PLAUR: variants seen among roughly 807,000 people sequenced by gnomAD.
PLAUR encodes the protein urokinase plasminogen activator surface receptor.
In PLAUR, 22 loss-of-function variants were observed where a neutral mutation model predicts 33.4. The observed-to-expected ratio is 0.66, with a 90% CI of 0.47 to 0.94. The LOEUF (loss-of-function observed/expected upper bound fraction) is 0.94. Ranked by LOEUF, PLAUR falls within the 40% of genes least tolerant of loss-of-function variation. PLAUR has a pLI of 0.00. For synonymous variants in PLAUR, 148 were observed against 167.3 expected (o/e 0.88, Z 0.89); for missense variants, 408 against 434.7 (o/e 0.94, Z 0.55).
At chr19:43,652,466 G>T in intron 5 of PLAUR, 95 bp from the exon 6 acceptor site, 2 of 1,225,010 alleles carry the variant, frequency 1.6e-6, no homozygotes, top group South Asian at 1.3e-5. Flanking sequence ...CTCCGAGCCA[G>T]AGATGTCATG....
At position 43,655,530 on chromosome 19, in the gene PLAUR, AAGGTAGCCACAGCCACGG is replaced by A. The variant is rs1242290159; in HGVS notation, c.498_515del (p.Arg167_Leu172del). On this transcript the variant is annotated inframe_deletion, in exon 5 of 7. Coordinates refer to ENST00000340093, the MANE Select transcript of PLAUR (RefSeq NM_002659.4). ...AACCATTGGAGCCCGGGCAGCCGGG[AAGGTAGCCACAGCCACGG>A]AGGTGGCGGTCATCCTTTGGACGCC... 1.2e-6 allele frequency: 2 copies of A among 1,613,960 alleles called. No individual in the cohort carries two copies. Among genetic ancestry groups the A allele is most frequent in the Non-Finnish European group, 1.7e-6 (2 of 1,179,984 alleles).
rs759697690 is a variant in PLAUR at position 43,652,258 on chromosome 19, T to C, written c.721A>G (p.Met241Val). The change falls in exon 6 of 7, where the codon ATG becomes GTG. Residue 241 changes from methionine (M) to valine (V), a missense_variant. Coordinates refer to ENST00000340093, the MANE Select transcript of PLAUR (RefSeq NM_002659.4). ...CCGGTGGCTACCAGACATTGATTCA[T>C]GGGGCCTCGGCAGTCAATGAGGAAA... ...ETFLIDCRGP[M>V]NQCLVATGTH... 3.7e-6 allele frequency: 6 copies of C among 1,613,978 alleles called. No individual in the cohort carries two copies. In the African/African-American group the frequency reaches 8.0e-5, roughly 22 times the overall value.
chr19:43,669,256 G>C (rs1011935998), intron 1 of PLAUR, among the ~76,000 whole-genome samples: 3 of 152,152 alleles, frequency 2.0e-5, no homozygotes, highest in African/African-American at 7.2e-5. Flanking sequence ...CTGGCTCTGC[G>C]CCGCTCAGTC....
At chr19:43,650,008 C>CTTTTTTTTTTTTTTTTTTTTTTTTTT (rs200384971) in intron 6 of PLAUR, among the ~76,000 whole-genome samples, 2 of 137,308 alleles carry the variant, frequency 1.5e-5, no homozygotes. Flanking sequence ...TCTCATTACG[C>CTTTTTTTTTTTTTTTTTTTTTTTTTT]TTTTTTTTTG....
At chr19:43,669,696 C>T (rs1383955281) in intron 1 of PLAUR, among the ~76,000 whole-genome samples, 1 of 151,450 alleles carries the variant, frequency 6.6e-6, no homozygotes, top group Non-Finnish European at 1.5e-5. Context: ...CCTGTAATCC[C>T]AGCTACCCAG....
downstream of PLAUR, among the ~76,000 whole-genome samples, chr19:43,646,788 CTTTTTTTTTT>C (rs71169269): frequency 1.9e-5 from 2 of 104,860 alleles, no homozygotes; most frequent in African/African-American, 7.4e-5. Context: ...TGGAAGATGT[CTTTTTTTTTT>C]TTTTTTTTTT....
At chr19:43,653,705 T>C (rs4251903) in intron 5 of PLAUR, among the ~76,000 whole-genome samples, 9,811 of 149,670 alleles carry the variant, frequency 0.066, 371 homozygotes, top group Middle Eastern at 0.2. Context: ...GAAGGCCAGG[T>C]GCAGCGGCTC....
rs1974022373 is a variant in PLAUR, at chr19:43,652,207, C to T, written c.754+18G>A. On this transcript the variant is annotated intron_variant, in intron 6 of 6. Coordinates refer to ENST00000340093, the MANE Select transcript of PLAUR (RefSeq NM_002659.4). Reference sequence around the variant, plus strand: ...ACCCCCAATAAGTGTTCCCTCCCAGCCTCGGAGAGGGCCTCACCGTGAGTG... The same window carrying T: ...ACCCCCAATAAGTGTTCCCTCCCAGTCTCGGAGAGGGCCTCACCGTGAGTG... The T allele has an allele frequency of 8.1e-6, 13 of 1,613,302 alleles. No homozygotes were observed. The highest frequency in any genetic ancestry group is 1.1e-5 in the Non-Finnish European group (13 of 1,179,510).
chr19:43,660,883 A>C (rs557938012), intron 3 of PLAUR: 1 of 150,694 alleles, frequency 6.6e-6, no homozygotes, highest in East Asian at 1.9e-4. Context: ...ATTCCTGTCA[A>C]GGACTGGACC....
intron 6 of PLAUR, among the ~76,000 whole-genome samples, chr19:43,651,437 G>GA (rs1555778940): frequency 7.2e-6 from 1 of 137,988 alleles, no homozygotes; most frequent in East Asian, 2.2e-4. Context: ...ACAATAAAGA[G>GA]TTTTTTTTTT....
intron 5 of PLAUR, among the ~76,000 whole-genome samples, chr19:43,654,041 G>A (rs1402785896): frequency 2.0e-5 from 3 of 150,328 alleles, no homozygotes; most frequent in South Asian, 4.2e-4. Flanking sequence ...GGGGAATGGC[G>A]TGAACCCGGG....
At chr19:43,667,384 C>A in intron 2 of PLAUR, 197 bp downstream of exon 2, 1 of 592,088 alleles carries the variant, frequency 1.7e-6, no homozygotes. Context: ...ACCACAGACA[C>A]GGTCTGCAAC....
In PLAUR at chr19:43,656,446, GGGA is replaced by G. The variant is rs766708560; in HGVS notation, c.472+30_472+32del. The G allele has an allele frequency of 5.8e-6, 9 of 1,548,398 alleles. No individual in the cohort carries two copies. The African/African-American group carries it at 1.1e-4, about 19-fold the overall frequency. On this transcript the variant is annotated intron_variant, in intron 4 of 6. Coordinates refer to ENST00000340093, the MANE Select transcript of PLAUR (RefSeq NM_002659.4). Reference sequence around the variant, plus strand: ...TGCAGTCTTAGGGAGGAGCAGAGCAGGGAGGAGGAGTTGCCAGCAGGTTGGGGC... The same window carrying G: ...TGCAGTCTTAGGGAGGAGCAGAGCAGGGAGGAGTTGCCAGCAGGTTGGGGC...
At chr19:43,651,763 G>C in intron 6 of PLAUR, 2 of 984,578 alleles carry the variant, frequency 2.0e-6, no homozygotes, top group Non-Finnish European at 2.4e-6. Context: ...GCATGAAGAA[G>C]TTGAGACCAA....
chr19:43,650,617 T>C (rs1387732616), intron 6 of PLAUR, among the ~76,000 whole-genome samples: 2 of 152,178 alleles, frequency 1.3e-5, no homozygotes, highest in African/African-American at 4.8e-5. Flanking sequence ...TGAGCCACCA[T>C]GCCTGGCTAT....
chr19:43,659,693 G>A (rs570277854), intron 3 of PLAUR, among the ~76,000 whole-genome samples: 5 of 152,068 alleles, frequency 3.3e-5, no homozygotes, highest in Non-Finnish European at 7.4e-5. Flanking sequence ...TGAAGTCCAC[G>A]CGTCCAAGGC....
chr19:43,658,057 A>G (rs917829786), intron 3 of PLAUR, among the ~76,000 whole-genome samples: 13 of 151,942 alleles, frequency 8.6e-5, no homozygotes, highest in Non-Finnish European at 1.9e-4. Context: ...AAAAAAAAGA[A>G]GAAGAAAAGA....
intron 5 of PLAUR, among the ~76,000 whole-genome samples, chr19:43,652,982 TA>T (rs1974059159): frequency 6.6e-6 from 1 of 152,082 alleles, no homozygotes; most frequent in Admixed American, 6.6e-5. Context: ...TTATTATTAC[TA>T]AAAAATTTTT....
intron 6 of PLAUR, 43 bp downstream of exon 6, chr19:43,652,182 A>AC (rs774469851): frequency 1.2e-5 from 19 of 1,605,198 alleles, no homozygotes; most frequent in Non-Finnish European, 1.5e-5. Flanking sequence ...GGAACTCTCC[A>AC]CCCCCAATAA....
Sources: allele counts gnomAD v4.1 joint callset (sites outside exome capture counted in the v4.1 genomes callset), GRCh38; gene constraint gnomAD v4.1.1; transcripts MANE v1.5; gene names NCBI Gene and HGNC (gene_info 2026-07-23, HGNC 2026-07-21).